The following NDST3 variants were observed in gnomAD, a reference collection of about 807,000 sequenced individuals.
The protein encoded by NDST3 is bifunctional heparan sulfate N-deacetylase/N-sulfotransferase 3.
NDST3 carries 58 observed loss-of-function variants against 96.1 expected under a neutral mutation model. The observed-to-expected ratio is 0.60, with a 90% CI of 0.49 to 0.75. NDST3 has a LOEUF of 0.75. NDST3 is among the 30% of genes least tolerant of loss of function. The pLI is 0.00. For missense variants in NDST3, 788 were observed against 1,034.2 expected (o/e 0.76, Z 3.27); for synonymous variants, 333 against 359.7 (o/e 0.93, Z 0.84).
intron 6 of NDST3, among the ~76,000 whole-genome samples, chr4:118,222,352 C>A (rs979370835): frequency 2.0e-5 from 3 of 151,216 alleles, no homozygotes; most frequent in African/African-American, 7.3e-5. Flanking sequence ...ACATGTTCAG[C>A]AAAAGATATG....
intron 12 of NDST3, among the ~76,000 whole-genome samples, chr4:118,250,693 A>T (rs1260114166): frequency 6.6e-6 from 1 of 152,160 alleles, no homozygotes; most frequent in Non-Finnish European, 1.5e-5. Flanking sequence ...CATGTTGGTC[A>T]GGCTGGTCTT....
chr4:118,145,545 T>C (rs1733876060), intron 6 of NDST3, among the ~76,000 whole-genome samples: 1 of 152,244 alleles, frequency 6.6e-6, no homozygotes, highest in Non-Finnish European at 1.5e-5. Context: ...TTTTTATTAA[T>C]TTAAAAACCA....
rs950134038 is a variant in NDST3, at chr4:118,237,081, C to T, written c.1979C>T (p.Thr660Ile). The change falls in exon 10 of 14, where the codon ACT becomes ATT. Residue 660 changes from threonine (T) to isoleucine (I), a missense_variant. By Grantham distance (89) the Thr-to-Ile change is moderately conservative. Around this residue, in one of 3 missense-constraint regions of NDST3, gnomAD observed 490 missense variants for 708.8 expected, o/e 0.69. Transcript: ENST00000296499. ...TTCTTCCCAGTCCCATCTAATGTCA[C>T]TACCGACTTTTTGTTTGAGAAGAGT... ...MDFFPVPSNV[T>I]TDFLFEKSAN... 5.0e-5 allele frequency: 80 copies of T among 1,611,704 alleles called. No individual in the cohort carries two copies. The highest frequency in any genetic ancestry group is 1.6e-4 in the Middle Eastern group (1 of 6,078).
intron 6 of NDST3, among the ~76,000 whole-genome samples, chr4:118,163,802 G>A (rs1735363740): frequency 1.3e-5 from 2 of 151,994 alleles, no homozygotes; most frequent in South Asian, 4.2e-4. Context: ...ACCACAGTGA[G>A]ATACATACCA....
intron 6 of NDST3, among the ~76,000 whole-genome samples, chr4:118,145,256 T>C (rs1560676199): frequency 6.6e-6 from 1 of 152,218 alleles, no homozygotes. Context: ...AAGAAGCAGT[T>C]AAAACACTCT....
In NDST3 at chr4:118,098,441, T is replaced by C. The variant is rs1010429582; in HGVS notation, c.982-6577T>C. Among the ~76,000 whole-genome samples the C allele has an allele frequency of 5.9e-5, 9 of 152,120 alleles. No individual in the cohort carries two copies. The South Asian group carries it at 1.4e-3, about 25-fold the overall frequency. ...CATGTCAACCATAAGCTAAATAGCA[T>C]ATGCATAACAATTTCAAGTGAATAC... On this transcript the variant is annotated intron_variant, in intron 2 of 13. Transcript: ENST00000296499.
At chr4:118,149,151 A>C (rs535405652) in intron 6 of NDST3, among the ~76,000 whole-genome samples, 2 of 152,302 alleles carry the variant, frequency 1.3e-5, no homozygotes, top group African/African-American at 4.8e-5. Context: ...TGTTTTGGTT[A>C]CTGTAGCCTT....
At chr4:118,141,012 T>G (rs1011278127) in intron 5 of NDST3, among the ~76,000 whole-genome samples, 1 of 152,208 alleles carries the variant, frequency 6.6e-6, no homozygotes, top group Non-Finnish European at 1.5e-5. Context: ...TCATTAATCC[T>G]GCTGTAAACC....
At chr4:118,094,342 A>G (rs1035994353) in intron 2 of NDST3, among the ~76,000 whole-genome samples, 3 of 151,830 alleles carry the variant, frequency 2.0e-5, no homozygotes, top group Non-Finnish European at 4.4e-5. Context: ...TCAAACTTAT[A>G]ATCTATGGTA....
chr4:118,192,713 G>GT (rs200456098), intron 6 of NDST3, among the ~76,000 whole-genome samples: 236 of 144,790 alleles, frequency 1.6e-3, no homozygotes, highest in South Asian at 9.5e-3. Flanking sequence ...TTTTTTGTGG[G>GT]TTTTTTTTTT....
chr4:118,124,129 G>T (rs1359613239), intron 4 of NDST3, among the ~76,000 whole-genome samples: 1 of 152,020 alleles, frequency 6.6e-6, no homozygotes, highest in Non-Finnish European at 1.5e-5. Context: ...TACACCAGAG[G>T]TATTCCTTCC....
intron 11 of NDST3, 135 bp from the exon 12 acceptor site, chr4:118,241,905 A>C (rs1741029924): frequency 3.6e-6 from 2 of 548,034 alleles, no homozygotes; most frequent in Non-Finnish European, 6.6e-6. Flanking sequence ...GATGACCTGG[A>C]TTCTATCTAA....
chr4:118,117,789 T>C (rs1011883074), intron 4 of NDST3, among the ~76,000 whole-genome samples: 1 of 152,186 alleles, frequency 6.6e-6, no homozygotes, highest in Admixed American at 6.5e-5. Context: ...GCATAAAGTG[T>C]GCCCCCTGCC....
intron 2 of NDST3, among the ~76,000 whole-genome samples, chr4:118,098,616 A>G (rs1729531558): frequency 6.6e-6 from 1 of 152,074 alleles, no homozygotes. Context: ...AAGACCAGTT[A>G]AAGTATGTAA....
At chr4:118,172,739 G>A (rs1736031685) in intron 6 of NDST3, among the ~76,000 whole-genome samples, 1 of 151,978 alleles carries the variant, frequency 6.6e-6, no homozygotes. Flanking sequence ...TGAGTTCTTA[G>A]CAAAGAATGA....
chr4:118,157,344 G>A (rs1734778457), intron 6 of NDST3, among the ~76,000 whole-genome samples: 1 of 151,078 alleles, frequency 6.6e-6, no homozygotes, highest in South Asian at 2.1e-4. Context: ...TAAAATGGGG[G>A]GATGGTGGGA....
intron 1 of NDST3, among the ~76,000 whole-genome samples, chr4:118,038,777 T>C (rs1311954856): frequency 6.6e-6 from 1 of 152,230 alleles, no homozygotes; most frequent in African/African-American, 2.4e-5. Flanking sequence ...CTTTCATTTA[T>C]GTTAGAACCT....
At chr4:118,045,151 T>C (rs1423581880) in intron 1 of NDST3, among the ~76,000 whole-genome samples, 1 of 152,172 alleles carries the variant, frequency 6.6e-6, no homozygotes, top group Non-Finnish European at 1.5e-5. Context: ...TTATTCATCA[T>C]CCTTACCCAA....
At chr4:118,188,062 C>T (rs1164704658) in intron 6 of NDST3, among the ~76,000 whole-genome samples, 1 of 151,922 alleles carries the variant, frequency 6.6e-6, no homozygotes, top group African/African-American at 2.4e-5. Flanking sequence ...CAACATCAGC[C>T]CTCTTGCCTA....
Sources: gnomAD v4.1 joint callset for allele counts (sites outside exome capture counted in the v4.1 genomes callset) on GRCh38, gnomAD v4.1.1 for gene constraint, gnomAD v4.1.1 regional missense constraint, MANE v1.5 for transcripts, NCBI Gene and HGNC (gene_info 2026-07-23, HGNC 2026-07-21) for gene names.